The following CHD7 variants were observed in gnomAD, a reference collection of about 807,000 sequenced individuals.
CHD7 encodes ATP-dependent chromatin remodeler CHD7.
Under a neutral mutation model 307.3 loss-of-function variants are expected in CHD7, and 24 were observed. The observed-to-expected ratio is 0.08, with a 90% CI of 0.06 to 0.11. The LOEUF (loss-of-function observed/expected upper bound fraction) is 0.11. Ranked by LOEUF, CHD7 falls within the 10% of genes least tolerant of loss-of-function variation. CHD7 has a pLI of 1.00. For missense variants in CHD7, 3,106 were observed against 3,727.1 expected, an observed-to-expected ratio of 0.83 and a Z score of 4.34; for synonymous variants, 1,363 against 1,349.9, an observed-to-expected ratio of 1.01 and a Z score of -0.21.
intron 17 of CHD7, 95 bp from the exon 18 acceptor site, chr8:60,837,573 A>G (rs1430963306): frequency 8.9e-7 from 1 of 1,128,424 alleles, no homozygotes; most frequent in African/African-American, 1.6e-5. Context: ...TCCAAATACC[A>G]TCACATTGGA....
intron 36 of CHD7, 36 bp downstream of exon 36, chr8:60,862,372 TTTC>T (rs749785452): frequency 5.0e-5 from 79 of 1,578,342 alleles, no homozygotes; most frequent in Non-Finnish European, 6.4e-5. Context: ...CACTATGCGA[TTTC>T]TTAGCCCAGA....
Position 60,742,590 on chromosome 8 carries a change from T to C in CHD7, c.1158T>C (p.Pro386=). 1.2e-6 allele frequency: 2 copies of C among 1,613,840 alleles called. No homozygotes were observed. The change falls in exon 2 of 38, where the codon CCT becomes CCC. Residue 386 remains proline (P), a synonymous_variant. Transcript: ENST00000423902. The part of the protein sequence containing the change: ...MNTQTMHPSQ[P]QGTYASPPPM... The stretch of plus-strand genomic sequence containing the variant: ...CACAAACTATGCATCCTTCACAGCC[T>C]CAGGGAACTTATGCCTCTCCACCTC...
chr8:60,681,540 A>C (rs1457655946), intron 1 of CHD7, among the ~76,000 whole-genome samples: 1 of 152,240 alleles, frequency 6.6e-6, no homozygotes, highest in Non-Finnish European at 1.5e-5. Context: ...ATTTTCCCTG[A>C]AAAATCTGTC....
At chr8:60,772,057 A>G (rs1424834971) in intron 2 of CHD7, among the ~76,000 whole-genome samples, 5 of 152,330 alleles carry the variant, frequency 3.3e-5, no homozygotes, top group Admixed American at 2.0e-4. Context: ...TAATGGGGCC[A>G]TCTTGGAATT....
chr8:60,858,204 C>T (rs188726858), intron 34 of CHD7, among the ~76,000 whole-genome samples: 9 of 152,306 alleles, frequency 5.9e-5, no homozygotes, highest in African/African-American at 1.9e-4. Context: ...TGCAGTGAAT[C>T]GAGATTGCAT....
At chr8:60,725,635 C>T (rs1206737142) in intron 1 of CHD7, among the ~76,000 whole-genome samples, 1 of 152,164 alleles carries the variant, frequency 6.6e-6, no homozygotes, top group Non-Finnish European at 1.5e-5. Flanking sequence ...ATAGGATGCC[C>T]TTGCAGTTAC....
intron 12 of CHD7, among the ~76,000 whole-genome samples, chr8:60,823,565 G>A (rs1252737417): frequency 6.6e-6 from 1 of 152,276 alleles, no homozygotes; most frequent in East Asian, 1.9e-4. Flanking sequence ...CTACGTGAAT[G>A]TGTGACTAGA....
chr8:60,782,321 ACAGT>A (rs1254038293), intron 3 of CHD7, among the ~76,000 whole-genome samples: 4 of 152,320 alleles, frequency 2.6e-5, no homozygotes, highest in South Asian at 4.1e-4. Context: ...GTGCATGTAC[ACAGT>A]CAGTTCTGCA....
chr8:60,842,517 T>G (rs531727173), intron 21 of CHD7, among the ~76,000 whole-genome samples: 6 of 152,320 alleles, frequency 3.9e-5, no homozygotes, highest in Admixed American at 1.3e-4. Flanking sequence ...TTTGTGAAAG[T>G]GTTGTATTTT....
intron 25 of CHD7, 107 bp downstream of exon 25, chr8:60,849,261 C>A: frequency 1.5e-6 from 1 of 654,582 alleles, no homozygotes; most frequent in Non-Finnish European, 2.6e-6. Context: ...AGGATAGTTC[C>A]AAAGGACTCT....
chr8:60,740,936 C>T (rs899593568), intron 1 of CHD7, among the ~76,000 whole-genome samples: 1 of 152,196 alleles, frequency 6.6e-6, no homozygotes, highest in African/African-American at 2.4e-5. Flanking sequence ...GCTGTGGCAG[C>T]TGCTGCTGCT....
At chr8:60,789,553 A>G (rs1811667881) in intron 3 of CHD7, among the ~76,000 whole-genome samples, 2 of 152,130 alleles carry the variant, frequency 1.3e-5, no homozygotes, top group African/African-American at 4.8e-5. Context: ...TTCCCATCAC[A>G]TTTGGGTCCA....
At chr8:60,816,547 A>G in intron 8 of CHD7, 46 bp downstream of exon 8, 1 of 1,130,324 alleles carries the variant, frequency 8.8e-7, no homozygotes, top group Non-Finnish European at 1.3e-6. Flanking sequence ...CTTTGTTAAA[A>G]TGTTCTAAAT....
intron 2 of CHD7, among the ~76,000 whole-genome samples, chr8:60,768,592 C>T (rs1251873845): frequency 2.0e-5 from 3 of 152,216 alleles, no homozygotes; most frequent in Non-Finnish European, 4.4e-5. Context: ...TAAATTCGTT[C>T]TGCATGTTGT....
At chr8:60,843,374 A>C (rs558567988) in intron 21 of CHD7, among the ~76,000 whole-genome samples, 1 of 152,316 alleles carries the variant, frequency 6.6e-6, no homozygotes, top group South Asian at 2.1e-4. Context: ...CAGATTTGAG[A>C]GTTCTGTGGG....
chr8:60,788,858 C>G (rs1161235835), intron 3 of CHD7, among the ~76,000 whole-genome samples: 1 of 152,150 alleles, frequency 6.6e-6, no homozygotes, highest in African/African-American at 2.4e-5. Context: ...ATTCTGTTGT[C>G]CGCGTTTTAT....
chr8:60,838,894 ACT>A (rs1804851556), intron 19 of CHD7, among the ~76,000 whole-genome samples: 1 of 152,142 alleles, frequency 6.6e-6, no homozygotes, highest in African/African-American at 2.4e-5. Context: ...AGTGAGGCCC[ACT>A]CTGTACTTTT....
chr8:60,781,460 A>G, intron 3 of CHD7, 30 bp downstream of exon 3: 1 of 1,501,824 alleles, frequency 6.7e-7, no homozygotes, highest in Non-Finnish European at 8.8e-7. Flanking sequence ...AACAACTGCA[A>G]AACATTGAGA....
intron 6 of CHD7, among the ~76,000 whole-genome samples, chr8:60,804,043 A>G (rs1812435093): frequency 6.6e-6 from 1 of 152,196 alleles, no homozygotes. Context: ...GTGGCCTGAG[A>G]AGCATCATGA....
Sources: allele counts gnomAD v4.1 joint callset (sites outside exome capture counted in the v4.1 genomes callset), GRCh38; gene constraint gnomAD v4.1.1; transcripts MANE v1.5; gene names NCBI Gene and HGNC (gene_info 2026-07-23, HGNC 2026-07-21).